The following THSD4 variants were observed in gnomAD, a reference collection of about 807,000 sequenced individuals.
The protein encoded by THSD4 is thrombospondin type-1 domain-containing protein 4.
Under a neutral mutation model 119.0 loss-of-function variants are expected in THSD4, and 69 were observed. The ratio of observed to expected loss-of-function variants is 0.58; its 90% CI spans 0.48 to 0.71. The LOEUF (loss-of-function observed/expected upper bound fraction) is 0.71, where lower values mean the gene tolerates loss of function less well. THSD4 is among the 30% of genes least tolerant of loss of function. The probability of loss-of-function intolerance (pLI) is 0.00; values close to 1 mark genes in which losing one functional copy is unlikely to be tolerated. For missense variants in THSD4, 1,393 were observed against 1,391.1 expected (o/e 1.00, Z -0.02); for synonymous variants, 524 against 540.4 (o/e 0.97, Z 0.42).
At chr15:71,549,367 CGTGT>C (rs1458244133) in intron 7 of THSD4, among the ~76,000 whole-genome samples, 1 of 151,918 alleles carries the variant, frequency 6.6e-6, no homozygotes, top group Non-Finnish European at 1.5e-5. Context: ...TGTGTGCATG[CGTGT>C]GTGAGTGCGT....
intron 17 of THSD4, 22 bp from the exon 18 acceptor site, chr15:71,777,210 T>C (rs371006159): frequency 1.6e-5 from 26 of 1,614,048 alleles, no homozygotes; most frequent in Non-Finnish European, 1.9e-5. Flanking sequence ...GGGAGTCTTC[T>C]GTTCATTCTC....
intron 11 of THSD4, among the ~76,000 whole-genome samples, chr15:71,738,687 C>T (rs1209889306): frequency 6.6e-6 from 1 of 152,168 alleles, no homozygotes; most frequent in African/African-American, 2.4e-5. Context: ...AGGCTGAGAA[C>T]ACATGCCAAG....
At chr15:71,606,490 A>C (rs1402707481) in intron 7 of THSD4, among the ~76,000 whole-genome samples, 2 of 104,992 alleles carry the variant, frequency 1.9e-5, no homozygotes, top group Non-Finnish European at 3.9e-5. Flanking sequence ...GCTCAGAGGA[A>C]TAAGACCTCC....
At chr15:71,242,544 A>G in intron 4 of THSD4, 105 bp from the exon 5 acceptor site, 3 of 1,258,612 alleles carry the variant, frequency 2.4e-6, no homozygotes, top group Non-Finnish European at 3.3e-6. Flanking sequence ...CCCTTTCCCA[A>G]GCTTCCGTTC....
At chr15:71,623,691 G>A (rs551791826) in intron 7 of THSD4, among the ~76,000 whole-genome samples, 1 of 152,314 alleles carries the variant, frequency 6.6e-6, no homozygotes, top group African/African-American at 2.4e-5. Flanking sequence ...AGAGGCCGAG[G>A]TGGGCGGGAT....
At position 71,728,501 on chromosome 15, in the gene THSD4, G is replaced by T. The variant is rs775272399; in HGVS notation, c.1358-48G>T. 6 of 1,598,738 alleles carry T rather than the reference G, an allele frequency of 3.8e-6. No homozygotes were observed. The Admixed American group carries it at 1.0e-4, about 27-fold the overall frequency. On this transcript the variant is annotated intron_variant, in intron 8 of 17. Transcript: ENST00000261862. ...ACTGGGGGAGTCAGTTCTGTTTCTT[G>T]TGCACACCCTGGGCTTACCCAAAGA...
Position 71,747,025 on chromosome 15 carries a change from C to A in THSD4, c.2224C>A (p.Arg742=). The change falls in exon 13 of 18, where the codon CGG becomes AGG. Residue 742 remains arginine, a synonymous_variant. Coordinates refer to ENST00000261862, the MANE Select transcript of THSD4 (RefSeq NM_024817.3). ...CAAGATCTGCAGCGAGTGGCAGATC[C>A]GGACCGACTGGACCTCGGTACGCAG... is the stretch of plus-strand genomic sequence containing the variant. ...QLKICSEWQI[R]TDWTSCSVPC... 6.2e-7 allele frequency: 1 copy of A among 1,609,936 alleles called. No homozygotes were observed. Among genetic ancestry groups the A allele is most frequent in the South Asian group, 1.1e-5 (1 of 90,618 alleles).
intron 6 of THSD4, among the ~76,000 whole-genome samples, chr15:71,295,519 A>G (rs977703618): frequency 1.3e-5 from 2 of 152,192 alleles, no homozygotes; most frequent in African/African-American, 4.8e-5. Flanking sequence ...CCTTTTGTGG[A>G]GACACAGATC....
At chr15:71,397,378 T>C (rs1229007990) in intron 6 of THSD4, among the ~76,000 whole-genome samples, 5 of 152,224 alleles carry the variant, frequency 3.3e-5, no homozygotes, top group Admixed American at 2.0e-4. Context: ...TTTAAAATTA[T>C]TTATTTGGTA....
chr15:71,302,171 T>G (rs1483438412), intron 6 of THSD4, among the ~76,000 whole-genome samples: 1 of 152,164 alleles, frequency 6.6e-6, no homozygotes, highest in African/African-American at 2.4e-5. Context: ...CCTGGCAGCG[T>G]TTTCCATCCT....
chr15:71,682,281 T>G (rs1485578421), intron 8 of THSD4, among the ~76,000 whole-genome samples: 1 of 152,272 alleles, frequency 6.6e-6, no homozygotes, highest in African/African-American at 2.4e-5. Flanking sequence ...GATAAGCTTT[T>G]TATTGAAATG....
At chr15:71,497,338 C>T (rs1595827994) in intron 7 of THSD4, among the ~76,000 whole-genome samples, 1 of 152,008 alleles carries the variant, frequency 6.6e-6, no homozygotes, top group African/African-American at 2.4e-5. Context: ...TGTGGCAATA[C>T]CCCATCTCTA....
At chr15:71,098,541 G>A (rs933790591) in intron 1 of THSD4, among the ~76,000 whole-genome samples, 4 of 151,842 alleles carry the variant, frequency 2.6e-5, no homozygotes, top group Admixed American at 2.6e-4. Flanking sequence ...TATGATTACA[G>A]GTTTGAGCCA....
chr15:71,442,656 G>GTATGTATGTATGTA (rs71154771), intron 7 of THSD4, among the ~76,000 whole-genome samples: 1 of 30,644 alleles, frequency 3.3e-5, no homozygotes, highest in Non-Finnish European at 7.8e-5. Context: ...GTGTGTGTGT[G>GTATGTATGTATGTA]TGTGTATATA....
chr15:71,771,938 C>T (rs1346592537), intron 17 of THSD4, among the ~76,000 whole-genome samples: 3 of 152,122 alleles, frequency 2.0e-5, no homozygotes, highest in Admixed American at 6.5e-5. Context: ...AAAGAAGGCA[C>T]CTCGCACATA....
chr15:71,524,620 C>T (rs1482910829), intron 7 of THSD4, among the ~76,000 whole-genome samples: 1 of 86,486 alleles, frequency 1.2e-5, no homozygotes, highest in African/African-American at 4.1e-5. Flanking sequence ...TTTTTTGAGA[C>T]GAGTCTCTAT....
intron 7 of THSD4, among the ~76,000 whole-genome samples, chr15:71,557,768 AT>A (rs2049043206): frequency 6.6e-6 from 1 of 152,170 alleles, no homozygotes; most frequent in African/African-American, 2.4e-5. Flanking sequence ...AAATGTGTTC[AT>A]TATACCTTCT....
chr15:71,103,041 A>T (rs541351771), intron 1 of THSD4, among the ~76,000 whole-genome samples: 1 of 152,222 alleles, frequency 6.6e-6, no homozygotes, highest in South Asian at 2.1e-4. Flanking sequence ...GTTCCTTGTC[A>T]GTTGAGACTT....
intron 7 of THSD4, among the ~76,000 whole-genome samples, chr15:71,609,438 C>A (rs576081381): frequency 6.6e-6 from 1 of 152,266 alleles, no homozygotes; most frequent in African/African-American, 2.4e-5. Flanking sequence ...CTTCCAGGGC[C>A]AGGGTCACCT....
Sources: gnomAD v4.1 joint callset for allele counts (sites outside exome capture counted in the v4.1 genomes callset) on GRCh38, gnomAD v4.1.1 for gene constraint, MANE v1.5 for transcripts, NCBI Gene and HGNC (gene_info 2026-07-23, HGNC 2026-07-21) for gene names.